Variants in RPS6KA5 observed in about 807,000 individuals in gnomAD.
RPS6KA5 encodes ribosomal protein S6 kinase alpha-5.
A neutral mutation model predicts 85.5 loss-of-function variants in RPS6KA5; 27 were observed. That is an observed-to-expected ratio of 0.32 (90% CI 0.23 to 0.44). The LOEUF is 0.44. Ranked by LOEUF, RPS6KA5 falls within the 20% of genes least tolerant of loss-of-function variation. RPS6KA5 has a pLI of 1.00. For synonymous variants in RPS6KA5, 334 were observed against 348.2 expected, an observed-to-expected ratio of 0.96 and a Z score of 0.46; for missense variants, 811 against 980.9, an observed-to-expected ratio of 0.83 and a Z score of 2.31.
chr14:90,883,265 C>T (rs1399346649), intron 14 of RPS6KA5, among the ~76,000 whole-genome samples: 1 of 152,134 alleles, frequency 6.6e-6, no homozygotes, highest in Non-Finnish European at 1.5e-5. Context: ...TCCGACAATG[C>T]ATATGTTGGT....
intron 14 of RPS6KA5, 23 bp downstream of exon 14, chr14:90,890,464 T>C (rs768780097): frequency 5.7e-6 from 9 of 1,573,982 alleles, no homozygotes; most frequent in South Asian, 5.7e-5. Context: ...GCAGGTTTAA[T>C]GACTGTATTG....
rs925993491 is a variant in RPS6KA5, at chr14:91,060,558, A to C, written c.-124T>G. On this transcript the variant is annotated 5_prime_UTR_variant, in exon 1 of 17. Transcript: ENST00000614987. ...GGGGTGCGGCGGCTCCAGAACTCGG[A>C]CGCAAAGACGAGTCTCTTTCCCGCT... 3.8e-5 allele frequency: 44 copies of C among 1,160,420 alleles called. No homozygotes were observed. The African/African-American group carries it at 5.8e-4, about 15-fold the overall frequency. 71.9% of individuals were successfully genotyped at this position (1,160,420 alleles called of 1,614,324 possible).
At chr14:91,016,636 C>A (rs139415603) in intron 1 of RPS6KA5, among the ~76,000 whole-genome samples, 56 of 152,044 alleles carry the variant, frequency 3.7e-4, no homozygotes, top group Non-Finnish European at 6.9e-4. Flanking sequence ...CAGACTCCCT[C>A]GATAAAGTGA....
rs142919990 is a variant in RPS6KA5, at chr14:90,853,731, G to T, written c.*18343C>A. On this transcript the variant is annotated 3_prime_UTR_variant, in exon 17 of 17. Coordinates refer to ENST00000614987, the MANE Select transcript of RPS6KA5 (RefSeq NM_004755.4). ...GAAGTCTCTATATTAAATCAAAATCGTAACCATCTTGAAAGCTAAATTAAA... is the reference window on the plus strand; with the variant it reads ...GAAGTCTCTATATTAAATCAAAATCTTAACCATCTTGAAAGCTAAATTAAA... 1 of 148,530 alleles carries T rather than the reference G, an allele frequency of 6.7e-6. No homozygotes were observed. Among genetic ancestry groups the T allele is most frequent in the Non-Finnish European group, 1.5e-5 (1 of 67,286 alleles). 9.2% of individuals were successfully genotyped at this position (148,530 alleles called of 1,614,324 possible).
intron 12 of RPS6KA5, 31 bp from the exon 13 acceptor site, chr14:90,894,614 C>T (rs757522995): frequency 6.2e-7 from 1 of 1,605,184 alleles, no homozygotes; most frequent in Admixed American, 1.7e-5. Flanking sequence ...CGTGGAGGGC[C>T]TTCCTGAAGC....
At chr14:91,017,442 T>C (rs1363190701) in intron 1 of RPS6KA5, among the ~76,000 whole-genome samples, 2 of 152,176 alleles carry the variant, frequency 1.3e-5, no homozygotes, top group Non-Finnish European at 2.9e-5. Flanking sequence ...GCAAATGAAG[T>C]GTGACAGTAG....
At chr14:90,929,538 TAA>T (rs1156361699) in intron 5 of RPS6KA5, among the ~76,000 whole-genome samples, 4 of 152,080 alleles carry the variant, frequency 2.6e-5, no homozygotes, top group South Asian at 2.1e-4. Flanking sequence ...TAAATAGAAA[TAA>T]GTCTAATAAT....
intron 14 of RPS6KA5, among the ~76,000 whole-genome samples, chr14:90,881,256 G>A (rs986316801): frequency 2.6e-5 from 4 of 151,438 alleles, no homozygotes; most frequent in Non-Finnish European, 5.9e-5. Flanking sequence ...TTTGAGACCA[G>A]TGTGGCCAAT....
At chr14:90,968,530 C>T (rs1201772956) in intron 3 of RPS6KA5, among the ~76,000 whole-genome samples, 1 of 152,146 alleles carries the variant, frequency 6.6e-6, no homozygotes, top group East Asian at 1.9e-4. Context: ...CTATTCATTC[C>T]TTAACATACT....
chr14:90,913,596 A>G (rs2035950962), intron 7 of RPS6KA5, among the ~76,000 whole-genome samples: 2 of 152,184 alleles, frequency 1.3e-5, no homozygotes, highest in African/African-American at 2.4e-5. Flanking sequence ...AGTGTCTTAA[A>G]TAAGATTTAA....
At chr14:90,967,233 C>T (rs2039112176) in intron 3 of RPS6KA5, among the ~76,000 whole-genome samples, 1 of 152,136 alleles carries the variant, frequency 6.6e-6, no homozygotes, top group Non-Finnish European at 1.5e-5. Context: ...ATGATTATAT[C>T]TTAATTCCTT....
chr14:91,017,207 T>C (rs145759284), intron 1 of RPS6KA5, among the ~76,000 whole-genome samples: 3 of 152,310 alleles, frequency 2.0e-5, no homozygotes, highest in East Asian at 1.9e-4. Context: ...TTGCTGACAA[T>C]AGTAAGCCAA....
At chr14:91,031,284 G>C (rs1253135502) in intron 1 of RPS6KA5, among the ~76,000 whole-genome samples, 1 of 152,036 alleles carries the variant, frequency 6.6e-6, no homozygotes, top group Non-Finnish European at 1.5e-5. Flanking sequence ...TCACAAATAT[G>C]AGAACATAAT....
At chr14:90,998,333 T>C (rs1041407294) in intron 2 of RPS6KA5, among the ~76,000 whole-genome samples, 4 of 152,178 alleles carry the variant, frequency 2.6e-5, no homozygotes, top group Non-Finnish European at 4.4e-5. Context: ...AACCACTGAA[T>C]TGCACACTTT....
intron 3 of RPS6KA5, among the ~76,000 whole-genome samples, chr14:90,968,465 G>C (rs980866027): frequency 3.9e-5 from 6 of 152,162 alleles, no homozygotes; most frequent in African/African-American, 1.4e-4. Context: ...GACAGGTCCT[G>C]GGGGATTAGA....
At chr14:90,994,862 G>A (rs929954021) in intron 2 of RPS6KA5, among the ~76,000 whole-genome samples, 4 of 151,834 alleles carry the variant, frequency 2.6e-5, no homozygotes, top group African/African-American at 9.7e-5. Context: ...GTGAGCCACC[G>A]CACACGGCTG....
At chr14:91,021,869 G>A (rs1482048580) in intron 1 of RPS6KA5, among the ~76,000 whole-genome samples, 1 of 151,970 alleles carries the variant, frequency 6.6e-6, no homozygotes, top group Non-Finnish European at 1.5e-5. Context: ...CTTACAAGTA[G>A]CCTTGATTCC....
chr14:90,884,263 G>A (rs920903863), intron 14 of RPS6KA5, among the ~76,000 whole-genome samples: 14 of 152,168 alleles, frequency 9.2e-5, no homozygotes, highest in Non-Finnish European at 1.9e-4. Flanking sequence ...GGTTGAGGGT[G>A]GGGAATGGGT....
chr14:91,042,971 C>T (rs113958837), intron 1 of RPS6KA5, among the ~76,000 whole-genome samples: 37 of 152,270 alleles, frequency 2.4e-4, no homozygotes, highest in African/African-American at 8.9e-4. Flanking sequence ...TAATATCCTC[C>T]AGAACCAAGT....
Sources: gnomAD v4.1 joint callset for allele counts (sites outside exome capture counted in the v4.1 genomes callset) on GRCh38, gnomAD v4.1.1 for gene constraint, MANE v1.5 for transcripts, NCBI Gene and HGNC (gene_info 2026-07-23, HGNC 2026-07-21) for gene names.